The following LEPR variants were observed in gnomAD, a reference collection of about 807,000 sequenced individuals.
LEPR encodes OB receptor.
In LEPR, 56 loss-of-function variants were observed where a neutral mutation model predicts 114.7. The observed-to-expected ratio is 0.49, with a 90% confidence interval of 0.39 to 0.61. The LOEUF (loss-of-function observed/expected upper bound fraction) is 0.61, where lower values mean the gene tolerates loss of function less well. Ranked by LOEUF, LEPR falls within the 20% of genes least tolerant of loss-of-function variation. The probability of loss-of-function intolerance (pLI) is 0.00; values close to 1 mark genes in which losing one functional copy is unlikely to be tolerated. For synonymous variants in LEPR, 443 were observed against 461.4 expected (o/e 0.96, Z 0.51); for missense variants, 1,202 against 1,352.9 (o/e 0.89, Z 1.75).
chr1:65,637,207 A>G lies in LEPR; in HGVS notation c.*192A>G. The G allele has an allele frequency of 1.8e-6, 1 of 540,960 alleles. No homozygotes were observed. The highest frequency in any genetic ancestry group is 3.2e-6 in the Non-Finnish European group (1 of 315,684). The allele number at this position is 540,960 out of a possible 1,614,324, so 33.5% of individuals were successfully genotyped here. A position where few individuals can be genotyped will look rare whatever the true frequency, so the allele number is the denominator to read the frequency against. On this transcript the variant is annotated 3_prime_UTR_variant, in exon 20 of 20. Coordinates refer to ENST00000349533, the MANE Select transcript of LEPR (RefSeq NM_002303.6). ...TGAGAAAGCCTTCATAAGCCTACCA[A>G]TGTAGACACGCTCTTCTATTTTATT...
rs1225910794 is a variant in LEPR, at chr1:65,558,695, C to A, written c.-20-6851C>A. On this transcript the variant is annotated intron_variant, in intron 2 of 19. Coordinates refer to ENST00000349533, the MANE Select transcript of LEPR (RefSeq NM_002303.6). Reference sequence around the variant, plus strand: ...GGTATATCTCCCAATGCTATCCCTCCCCCCTCCCCCCACCCCACAACAGTC... The same window carrying A: ...GGTATATCTCCCAATGCTATCCCTCACCCCTCCCCCCACCCCACAACAGTC... Among the ~76,000 whole-genome samples the A allele has an allele frequency of 1.1e-4, 5 of 43,728 alleles. No individual in the cohort carries two copies. In the East Asian group the frequency reaches 2.0e-3, roughly 18 times the overall value. The allele number at this position is 43,728 out of a possible 152,430, so 28.7% of individuals were successfully genotyped here. A position where few individuals can be genotyped will look rare whatever the true frequency, so the allele number is the denominator to read the frequency against.
At position 65,605,141 on chromosome 1, in the gene LEPR, A is replaced by G. The variant is rs13306526; in HGVS notation, c.1507A>G (p.Ile503Val). The G allele has an allele frequency of 5.6e-6, 9 of 1,614,016 alleles. No homozygotes were observed. Among genetic ancestry groups the G allele is most frequent in the Admixed American group, 3.3e-5 (2 of 60,004 alleles). Residue 503 changes from isoleucine to valine, a missense_variant, in exon 11 of 20, where the codon ATC becomes GTC. Coordinates refer to ENST00000349533, the MANE Select transcript of LEPR (RefSeq NM_002303.6). ...TTTTTATGAATGCATTTTCCAGCCA[A>G]TCTTCCTATTATCTGGCTACACAAT... ...DGFYECIFQP[I>V]FLLSGYTMWI... is the part of the protein sequence containing the mutation.
intron 2 of LEPR, among the ~76,000 whole-genome samples, chr1:65,550,697 C>T (rs918493089): frequency 2.6e-5 from 4 of 152,152 alleles, no homozygotes; most frequent in Non-Finnish European, 4.4e-5. Flanking sequence ...TGGGAGTGAC[C>T]CGATTTTCCA....
intron 6 of LEPR, among the ~76,000 whole-genome samples, chr1:65,594,557 C>G (rs779451127): frequency 2.6e-5 from 4 of 151,914 alleles, no homozygotes; most frequent in African/African-American, 9.7e-5. Context: ...TACTGAGATA[C>G]GGAAACTCAG....
At chr1:65,487,061 C>A (rs1182417434) in intron 2 of LEPR, among the ~76,000 whole-genome samples, 1 of 152,156 alleles carries the variant, frequency 6.6e-6, no homozygotes, top group African/African-American at 2.4e-5. Flanking sequence ...ATTCTGCACA[C>A]AGATAACTAA....
At position 65,420,707 on chromosome 1, in the gene LEPR, G is replaced by T. The variant is rs772024570; in HGVS notation, c.-130G>T. The T allele has an allele frequency of 1.3e-6, 2 of 1,579,578 alleles. No homozygotes were observed. On this transcript the variant is annotated 5_prime_UTR_variant, in exon 1 of 20. Coordinates refer to ENST00000349533, the MANE Select transcript of LEPR (RefSeq NM_002303.6). ...GTGGCAGGAAGCCGGAAGCAGCCGC[G>T]GCCCCAGTTCGGGAGACATGGCGGG...
At position 65,432,872 on chromosome 1, in the gene LEPR, C is replaced by T. The variant is rs1646505724; in HGVS notation, c.-21+7494C>T. ...ATGTTAATTAGTGTAATCATTCCAC[C>T]TTATATTCAAAAATCATAAAACCGT... On this transcript the variant is annotated intron_variant, in intron 2 of 19. Transcript: ENST00000349533. 3 of 784,692 alleles carry T rather than the reference C, an allele frequency of 3.8e-6. No homozygotes were observed. The South Asian group carries it at 1.7e-4, about 45-fold the overall frequency. The allele number at this position is 784,692 out of a possible 1,614,324, so 48.6% of individuals were successfully genotyped here.
At chr1:65,525,023 G>A (rs1649828579) in intron 2 of LEPR, among the ~76,000 whole-genome samples, 1 of 152,168 alleles carries the variant, frequency 6.6e-6, no homozygotes, top group Admixed American at 6.5e-5. Context: ...TGAATTTCAG[G>A]ATTGAAAGAG....
intron 1 of LEPR, among the ~76,000 whole-genome samples, chr1:65,424,692 G>C (rs962924616): frequency 2.6e-5 from 4 of 152,226 alleles, no homozygotes; most frequent in Non-Finnish European, 4.4e-5. Flanking sequence ...GGTGCAGTCA[G>C]ATCTGGTGTC....
chr1:65,421,797 A>T (rs914322153), intron 1 of LEPR, among the ~76,000 whole-genome samples: 1 of 152,224 alleles, frequency 6.6e-6, no homozygotes, highest in African/African-American at 2.4e-5. Flanking sequence ...TCAGTACTAC[A>T]CATGATCAGA....
intron 1 of LEPR, among the ~76,000 whole-genome samples, chr1:65,423,447 A>AAG (rs1217833670): frequency 6.6e-6 from 1 of 152,150 alleles, no homozygotes; most frequent in African/African-American, 2.4e-5. Flanking sequence ...GAACAGAAGG[A>AAG]AGAGGTCTGC....
chr1:65,507,768 T>C (rs1393975503), intron 2 of LEPR, among the ~76,000 whole-genome samples: 6 of 152,172 alleles, frequency 3.9e-5, no homozygotes, highest in South Asian at 4.1e-4. Context: ...AACTTCATAC[T>C]GTTTTTCAAA....
At chr1:65,519,048 TTC>T (rs1169840495) in intron 2 of LEPR, among the ~76,000 whole-genome samples, 1 of 149,968 alleles carries the variant, frequency 6.7e-6, no homozygotes, top group Admixed American at 6.6e-5. Flanking sequence ...TTTTCTTTCT[TTC>T]TCTCTCTCCT....
intron 2 of LEPR, among the ~76,000 whole-genome samples, chr1:65,506,331 A>AT (rs1215601617): frequency 1.3e-5 from 2 of 152,306 alleles, no homozygotes; most frequent in East Asian, 3.9e-4. Flanking sequence ...TGAAGTGGTT[A>AT]TTTTTGTATC....
At chr1:65,550,284 G>A (rs1051465593) in intron 2 of LEPR, among the ~76,000 whole-genome samples, 3 of 152,210 alleles carry the variant, frequency 2.0e-5, no homozygotes, top group Non-Finnish European at 2.9e-5. Context: ...CACTTGAGGA[G>A]GCAGTCTGCC....
At chr1:65,599,374 A>C (rs889629163) in intron 8 of LEPR, among the ~76,000 whole-genome samples, 1 of 152,182 alleles carries the variant, frequency 6.6e-6, no homozygotes, top group African/African-American at 2.4e-5. Flanking sequence ...AGTTGGGACT[A>C]TAGAAAGACA....
At chr1:65,422,050 ATG>A (rs1484421874) in intron 1 of LEPR, among the ~76,000 whole-genome samples, 2 of 152,220 alleles carry the variant, frequency 1.3e-5, no homozygotes, top group African/African-American at 4.8e-5. Context: ...TTGGGCTCAG[ATG>A]CGGTGGGAGA....
At chr1:65,537,391 A>G (rs1415744240) in intron 2 of LEPR, among the ~76,000 whole-genome samples, 1 of 152,126 alleles carries the variant, frequency 6.6e-6, no homozygotes, top group African/African-American at 2.4e-5. Context: ...AGGAACAACT[A>G]GTTTGAACCA....
At chr1:65,421,563 G>A (rs1391814167) in intron 1 of LEPR, 4 of 1,300,702 alleles carry the variant, frequency 3.1e-6, no homozygotes, top group Non-Finnish European at 4.3e-6. Context: ...GATATCCCCA[G>A]TTAACATCTG....
Sources: gnomAD v4.1 joint callset for allele counts (sites outside exome capture counted in the v4.1 genomes callset) on GRCh38, gnomAD v4.1.1 for gene constraint, MANE v1.5 for transcripts, NCBI Gene and HGNC (gene_info 2026-07-23, HGNC 2026-07-21) for gene names.